The following NRG1 variants were observed in gnomAD, a reference collection of about 807,000 sequenced individuals.
The protein encoded by NRG1 is pro-neuregulin-1, membrane-bound isoform.
A neutral mutation model predicts 63.8 loss-of-function variants in NRG1; 18 were observed. That is an observed-to-expected ratio of 0.28 (90% CI 0.19 to 0.42). NRG1 has a LOEUF of 0.42. NRG1 is among the 10% of genes least tolerant of loss of function. The pLI is 1.00. For synonymous variants in NRG1, 302 were observed against 301.3 expected (o/e 1.00, Z -0.02); for missense variants, 762 against 814.7 (o/e 0.94, Z 0.79).
intron 1 of NRG1, among the ~76,000 whole-genome samples, chr8:32,374,533 G>A (rs1809364321): frequency 6.6e-6 from 1 of 152,214 alleles, no homozygotes; most frequent in African/African-American, 2.4e-5. Context: ...TTAGGTGCCA[G>A]CTGTTGTTTG....
chr8:31,943,191 A>G (rs1802017633), intron 1 of NRG1, among the ~76,000 whole-genome samples: 1 of 152,192 alleles, frequency 6.6e-6, no homozygotes, highest in Non-Finnish European at 1.5e-5. Context: ...ACGCCATGGA[A>G]TACTACTTAG....
At chr8:31,751,161 GT>G (rs1816420402) in intron 1 of NRG1, among the ~76,000 whole-genome samples, 1 of 152,086 alleles carries the variant, frequency 6.6e-6, no homozygotes, top group Non-Finnish European at 1.5e-5. Flanking sequence ...TTCGTTGACT[GT>G]TTACTATTGG....
intron 1 of NRG1, among the ~76,000 whole-genome samples, chr8:32,460,380 A>G (rs1721073538): frequency 6.6e-6 from 1 of 152,238 alleles, no homozygotes; most frequent in Admixed American, 6.5e-5. Context: ...GGCTGTAAGC[A>G]TTAAGATTGA....
intron 5 of NRG1, among the ~76,000 whole-genome samples, chr8:32,658,584 C>T (rs1167642139): frequency 2.7e-5 from 4 of 149,970 alleles, no homozygotes; most frequent in Admixed American, 1.4e-4. Context: ...TTTAAGCCAC[C>T]TTAGAGACAC....
chr8:32,207,247 T>A (rs187314326), intron 1 of NRG1, among the ~76,000 whole-genome samples: 6 of 152,228 alleles, frequency 3.9e-5, no homozygotes, highest in Admixed American at 1.3e-4. Context: ...GCAATACTAT[T>A]ATCTTTTTTT....
At chr8:32,081,205 T>C (rs987838381) in intron 1 of NRG1, among the ~76,000 whole-genome samples, 2 of 152,170 alleles carry the variant, frequency 1.3e-5, no homozygotes, top group Admixed American at 6.5e-5. Flanking sequence ...ACAAGTCTAG[T>C]TGGCACCCAT....
intron 1 of NRG1, among the ~76,000 whole-genome samples, chr8:32,423,206 G>T (rs1816912499): frequency 6.6e-6 from 1 of 152,180 alleles, no homozygotes; most frequent in South Asian, 2.1e-4. Context: ...TCACAGTTTT[G>T]ATGTGTTTTA....
intron 1 of NRG1, among the ~76,000 whole-genome samples, chr8:32,232,388 G>A (rs1847052301): frequency 6.6e-6 from 1 of 152,118 alleles, no homozygotes. Context: ...TATAGATACT[G>A]AGGTTACATT....
At chr8:32,536,830 A>C (rs1191961398) in intron 1 of NRG1, among the ~76,000 whole-genome samples, 2 of 148,488 alleles carry the variant, frequency 1.3e-5, no homozygotes, top group Non-Finnish European at 3.0e-5. Flanking sequence ...AGGCTGAGGC[A>C]GAAGAATGGT....
chr8:31,965,515 A>C (rs1806175127), intron 1 of NRG1, among the ~76,000 whole-genome samples: 1 of 152,066 alleles, frequency 6.6e-6, no homozygotes, highest in Non-Finnish European at 1.5e-5. Flanking sequence ...GAGCCACTGC[A>C]CCCAGCCAGA....
intron 1 of NRG1, among the ~76,000 whole-genome samples, chr8:32,530,744 C>G (rs193193886): frequency 6.6e-6 from 1 of 151,934 alleles, no homozygotes; most frequent in African/African-American, 2.4e-5. Context: ...TCTTATATTC[C>G]AAGGACAAAC....
chr8:32,442,961 G>T (rs1214324867), intron 1 of NRG1, among the ~76,000 whole-genome samples: 3 of 151,016 alleles, frequency 2.0e-5, no homozygotes, highest in Non-Finnish European at 4.4e-5. Context: ...TCAGGGTCTT[G>T]CTCTATCACC....
chr8:31,956,610 C>T (rs578094500), intron 1 of NRG1, among the ~76,000 whole-genome samples: 1 of 152,090 alleles, frequency 6.6e-6, no homozygotes, highest in South Asian at 2.1e-4. Context: ...GGCGATAAAG[C>T]GAGACTCCGT....
intron 1 of NRG1, among the ~76,000 whole-genome samples, chr8:31,934,411 A>C (rs1298232641): frequency 2.0e-5 from 2 of 100,902 alleles, no homozygotes; most frequent in African/African-American, 3.8e-5. Context: ...ACACCCCTTT[A>C]TTCGCTCTCT....
At chr8:32,436,758 G>A (rs1388769687) in intron 1 of NRG1, among the ~76,000 whole-genome samples, 1 of 152,068 alleles carries the variant, frequency 6.6e-6, no homozygotes, top group East Asian at 1.9e-4. Context: ...TCTATTCTTT[G>A]CTTGAAGCTT....
intron 1 of NRG1, among the ~76,000 whole-genome samples, chr8:31,738,176 C>A (rs1814884890): frequency 6.6e-6 from 1 of 152,038 alleles, no homozygotes; most frequent in African/African-American, 2.4e-5. Flanking sequence ...CCAAAGTCCT[C>A]ATAGCGGCCA....
intron 1 of NRG1, among the ~76,000 whole-genome samples, chr8:32,063,702 A>G (rs1824261157): frequency 6.6e-6 from 1 of 152,130 alleles, no homozygotes; most frequent in South Asian, 2.1e-4. Flanking sequence ...GATCTTTAAG[A>G]TGGAGAGCAT....
In NRG1 at chr8:32,468,836, T is replaced by G. The variant is rs138719521; in HGVS notation, c.38-126992T>G. Among the ~76,000 whole-genome samples, 3 of 152,268 alleles carry G rather than the reference T, an allele frequency of 2.0e-5. No individual in the cohort carries two copies. The East Asian group carries it at 5.8e-4, about 29-fold the overall frequency. Reference sequence around the variant, plus strand: ...TTTTTAGCCACTTCGGTTTTGGAAGTGTCTCTTCTTTTGGAAGTGGGAGAC... The same window carrying G: ...TTTTTAGCCACTTCGGTTTTGGAAGGGTCTCTTCTTTTGGAAGTGGGAGAC... On this transcript the variant is annotated intron_variant, in intron 1 of 10. Coordinates refer to the NRG1 transcript ENST00000519301.
intron 1 of NRG1, among the ~76,000 whole-genome samples, chr8:31,707,731 A>T (rs972579882): frequency 6.6e-6 from 1 of 152,032 alleles, no homozygotes; most frequent in African/African-American, 2.4e-5. Flanking sequence ...TATCTTTTTC[A>T]TCACTGTTGT....
Sources: allele counts gnomAD v4.1 joint callset (sites outside exome capture counted in the v4.1 genomes callset), GRCh38; gene constraint gnomAD v4.1.1; transcripts MANE v1.5; gene names NCBI Gene and HGNC (gene_info 2026-07-23, HGNC 2026-07-21).